The following DNMT3A variants were observed in gnomAD, a reference collection of about 807,000 sequenced individuals.
DNMT3A encodes DNA methyltransferase 3 alpha, also known as DNA (cytosine-5)-methyltransferase 3A.
A neutral mutation model predicts 117.6 loss-of-function variants in DNMT3A; 267 were observed. That is an observed-to-expected ratio of 2.27 (90% CI 2.05 to 2.51). The LOEUF (loss-of-function observed/expected upper bound fraction) is 2.51. Ranked by LOEUF, DNMT3A falls within the 30% of genes most tolerant of loss-of-function variation. The pLI, the probability that DNMT3A is intolerant of heterozygous loss-of-function variation, is 0.00. For missense variants in DNMT3A, 1,029 were observed against 1,260.2 expected, an observed-to-expected ratio of 0.82 and a Z score of 2.78; for synonymous variants, 432 against 474.8, an observed-to-expected ratio of 0.91 and a Z score of 1.17.
rs939206211 is a variant in DNMT3A, at chr2:25,311,436, G to A, written c.72+2477C>T. Among the ~76,000 whole-genome samples the A allele has an allele frequency of 1.3e-5, 2 of 152,208 alleles. No individual in the cohort carries two copies. Among genetic ancestry groups the A allele is most frequent in the African/African-American group, 4.8e-5 (2 of 41,458 alleles). ...TGCTGGAGCCAGCCCAGAGGTGCCG[G>A]GGAAGTGTGCCAGGTGAGCCAGCAT... On this transcript the variant is annotated intron_variant, in intron 2 of 22. Transcript: ENST00000321117. This position sits in a 1 kb window ranked among gnomAD's most constrained non-coding sequence, Gnocchi z 5.2.
intron 6 of DNMT3A, among the ~76,000 whole-genome samples, chr2:25,264,869 A>G (rs960624172): frequency 1.3e-5 from 2 of 152,180 alleles, no homozygotes; most frequent in African/African-American, 4.8e-5. Context: ...TGTACAAGGT[A>G]ATCTAGGTAA....
intron 6 of DNMT3A, among the ~76,000 whole-genome samples, chr2:25,256,081 A>G (rs140393434): frequency 6.6e-6 from 1 of 152,268 alleles, no homozygotes; most frequent in East Asian, 1.9e-4. Context: ...GCCATCTGCA[A>G]AGCAACACAT....
intron 2 of DNMT3A, among the ~76,000 whole-genome samples, chr2:25,307,009 C>T (rs988547744): frequency 4.6e-5 from 7 of 152,114 alleles, no homozygotes; most frequent in African/African-American, 1.4e-4. Flanking sequence ...ACTTTGTAGC[C>T]GTGTGGCCTC....
At chr2:25,287,682 T>C (rs531659763) in intron 3 of DNMT3A, among the ~76,000 whole-genome samples, 1 of 151,466 alleles carries the variant, frequency 6.6e-6, no homozygotes, top group Non-Finnish European at 1.5e-5. Flanking sequence ...TGGCATCTAG[T>C]GAGTAGAGGC....
intron 16 of DNMT3A, among the ~76,000 whole-genome samples, chr2:25,243,383 C>G (rs1309705359): frequency 1.3e-5 from 2 of 151,984 alleles, no homozygotes; most frequent in African/African-American, 4.8e-5. Flanking sequence ...AGTTACAAAA[C>G]CGTGTGCATT....
chr2:25,255,212 CAG>C (rs1307115576), intron 6 of DNMT3A, among the ~76,000 whole-genome samples: 5 of 152,274 alleles, frequency 3.3e-5, no homozygotes, highest in African/African-American at 9.6e-5. Context: ...AGATCTAGAG[CAG>C]GGGTGATTTT....
intron 4 of DNMT3A, among the ~76,000 whole-genome samples, chr2:25,279,355 T>TC (rs1405043081): frequency 6.6e-6 from 1 of 152,078 alleles, no homozygotes; most frequent in African/African-American, 2.4e-5. Context: ...AGACCTGGAA[T>TC]AAGGGGAACT....
At chr2:25,244,421 G>A (rs982859442) in intron 14 of DNMT3A, 83 bp from the exon 15 acceptor site, 16 of 1,563,526 alleles carry the variant, frequency 1.0e-5, no homozygotes, top group Middle Eastern at 1.7e-4. Flanking sequence ...TGGAAAGACC[G>A]GGTCTGGAGC....
chr2:25,340,462 G>A (rs892620464), intron 1 of DNMT3A, among the ~76,000 whole-genome samples: 1 of 152,098 alleles, frequency 6.6e-6, no homozygotes, highest in Non-Finnish European at 1.5e-5. Flanking sequence ...GCGATGAGGG[G>A]CTGGGGGAGG....
intron 2 of DNMT3A, among the ~76,000 whole-genome samples, chr2:25,310,619 G>A (rs2034060598): frequency 6.6e-6 from 1 of 152,068 alleles, no homozygotes; most frequent in Non-Finnish European, 1.5e-5. Context: ...CCTGTGGGAG[G>A]GTCTTGGCTA....
At chr2:25,309,319 G>C (rs1320450187) in intron 2 of DNMT3A, among the ~76,000 whole-genome samples, 2 of 152,264 alleles carry the variant, frequency 1.3e-5, no homozygotes, top group Non-Finnish European at 2.9e-5. Context: ...CAGGGAGGGA[G>C]AGGCAGGGAA....
rs1248689706 is a variant in DNMT3A, at chr2:25,311,825, T to A, written c.72+2088A>T. ...CAAGCCCAGATGGCCTGAAGTCACA[T>A]CTCCAGTAAGTGGCATACTCAGGAC... On this transcript the variant is annotated intron_variant, in intron 2 of 22. Transcript: ENST00000321117. The surrounding 1 kb of genome is among the most constrained non-coding windows in gnomAD (Gnocchi z 5.2). Among the ~76,000 whole-genome samples the A allele has an allele frequency of 6.6e-6, 1 of 152,028 alleles. No individual in the cohort carries two copies. Among genetic ancestry groups the A allele is most frequent in the Non-Finnish European group, 1.5e-5 (1 of 67,986 alleles).
rs2032926752 is a variant in DNMT3A, at chr2:25,293,799, G to A, written c.177+6340C>T. On this transcript the variant is annotated intron_variant, in intron 3 of 22. Coordinates refer to ENST00000321117, the MANE Select transcript of DNMT3A (RefSeq NM_022552.5). This position sits in a 1 kb window ranked among gnomAD's most constrained non-coding sequence, Gnocchi z 4.7. The stretch of plus-strand genomic sequence containing the variant: ...GCGATTCTCGTGCCTCAGCCTCCTG[G>A]GCAGCTGGGACCACAGGTATGTGCC... Among the ~76,000 whole-genome samples the A allele has an allele frequency of 6.6e-6, 1 of 152,050 alleles. No individual in the cohort carries two copies.
chr2:25,284,455 G>C (rs2032130372), intron 3 of DNMT3A, among the ~76,000 whole-genome samples: 1 of 151,806 alleles, frequency 6.6e-6, no homozygotes, highest in Admixed American at 6.6e-5. Context: ...AGGAGTTTGA[G>C]ACCAGCCTGG....
At chr2:25,299,748 T>C (rs1170725084) in intron 3 of DNMT3A, among the ~76,000 whole-genome samples, 3 of 152,158 alleles carry the variant, frequency 2.0e-5, no homozygotes, top group Non-Finnish European at 4.4e-5. Context: ...CTGGCCAACA[T>C]GGCGAAATCT....
At chr2:25,258,878 G>T (rs979227053) in intron 6 of DNMT3A, among the ~76,000 whole-genome samples, 2 of 152,180 alleles carry the variant, frequency 1.3e-5, no homozygotes, top group Non-Finnish European at 2.9e-5. Context: ...TGTTAGGGAG[G>T]GGGAGTGGTA....
At chr2:25,284,120 G>A (rs1228384733) in intron 3 of DNMT3A, among the ~76,000 whole-genome samples, 2 of 152,186 alleles carry the variant, frequency 1.3e-5, no homozygotes, top group African/African-American at 4.8e-5. Context: ...ACACCCACAG[G>A]CACCAGGCTG....
chr2:25,278,141 A>G (rs1325706527), intron 4 of DNMT3A, among the ~76,000 whole-genome samples: 1 of 152,136 alleles, frequency 6.6e-6, no homozygotes, highest in African/African-American at 2.4e-5. Context: ...ATGCAGCCCA[A>G]CTGCTCCTGG....
intron 1 of DNMT3A, among the ~76,000 whole-genome samples, chr2:25,322,344 C>T (rs750761438): frequency 2.0e-5 from 3 of 152,016 alleles, no homozygotes; most frequent in Non-Finnish European, 4.4e-5. Context: ...GAGGCCTTTC[C>T]ACCTCTGTTG....
Sources: gnomAD v4.1 joint callset for allele counts (sites outside exome capture counted in the v4.1 genomes callset) on GRCh38, gnomAD v4.1.1 for gene constraint, Gnocchi (gnomAD v3.1) non-coding constraint, MANE v1.5 for transcripts, NCBI Gene and HGNC (gene_info 2026-07-23, HGNC 2026-07-21) for gene names.